Variants in PLPPR4 observed in about 807,000 individuals in gnomAD.
PLPPR4 encodes phospholipid phosphatase-related protein type 4.
Under a neutral mutation model 56.6 loss-of-function variants are expected in PLPPR4, and 24 were observed. The observed-to-expected ratio is 0.42, with a 90% CI of 0.31 to 0.60. The LOEUF is 0.60. Ranked by LOEUF, PLPPR4 falls within the 20% of genes least tolerant of loss-of-function variation. PLPPR4 has a pLI of 0.13. For missense variants in PLPPR4, 654 were observed against 885.8 expected (o/e 0.74, Z 3.32); for synonymous variants, 326 against 328.1 (o/e 0.99, Z 0.07).
chr1:99,264,139 C>T (rs1658829299), upstream of PLPPR4: 1 of 411,990 alleles, frequency 2.4e-6, no homozygotes, highest in African/African-American at 2.1e-5. Flanking sequence ...ACCTAGGAGG[C>T]TCCCCAGGAG....
intron 2 of PLPPR4, among the ~76,000 whole-genome samples, chr1:99,293,607 T>C (rs183086425): frequency 5.3e-5 from 8 of 152,290 alleles, no homozygotes; most frequent in Admixed American, 3.3e-4. Context: ...ATATATCTAA[T>C]TTTATAGAAG....
rs544612602 is a variant in PLPPR4, at chr1:99,281,066, T to C, written c.79-6899T>C. 1.5e-4 allele frequency among the ~76,000 whole-genome samples: 23 copies of C among 152,294 alleles called. No individual in the cohort carries two copies. The South Asian group carries it at 4.8e-3, about 32-fold the overall frequency. On this transcript the variant is annotated intron_variant, in intron 1 of 6. Coordinates refer to ENST00000370185, the MANE Select transcript of PLPPR4 (RefSeq NM_014839.5). ...TTTTTAAAGGCCCTAATGCTTTATA[T>C]AAGGCAGTGACAGTGTGAAAGAAAT...
intron 1 of PLPPR4, among the ~76,000 whole-genome samples, chr1:99,266,769 G>A (rs1420427353): frequency 6.6e-6 from 1 of 152,156 alleles, no homozygotes; most frequent in African/African-American, 2.4e-5. Flanking sequence ...AAAATTAAAT[G>A]CATGATGAAC....
rs764224056 is a variant in PLPPR4 at position 99,299,043 on chromosome 1, G to A, written c.403G>A (p.Val135Ile). Residue 135 changes from valine (V) to isoleucine (I), a missense_variant, in exon 4 of 7, where the codon GTA (valine) becomes ATA (isoleucine). Transcript: ENST00000370185. ...RRAVRFVGVH[V>I]FGLCSTALIT... ...TTTCATTTTGCCTATAGGTGTTCATGTATTTGGATTATGCTCTACAGCTCT... is the reference window on the plus strand; with the variant it reads ...TTTCATTTTGCCTATAGGTGTTCATATATTTGGATTATGCTCTACAGCTCT... 23 of 1,612,694 alleles carry A rather than the reference G, an allele frequency of 1.4e-5. No homozygotes were observed. In the South Asian group the frequency reaches 2.5e-4, roughly 18 times the overall value.
intron 2 of PLPPR4, among the ~76,000 whole-genome samples, 169 bp downstream of exon 2, chr1:99,288,319 T>C (rs1375304491): frequency 6.6e-6 from 1 of 152,226 alleles, no homozygotes; most frequent in Non-Finnish European, 1.5e-5. Flanking sequence ...TAGCTTAACA[T>C]TATTGGCATT....
chr1:99,305,866 C>G lies in PLPPR4; in HGVS notation c.1004C>G (p.Ala335Gly). The G allele has an allele frequency of 3.1e-6, 5 of 1,613,990 alleles. No individual in the cohort carries two copies. Among genetic ancestry groups the G allele is most frequent in the Non-Finnish European group, 4.2e-6 (5 of 1,179,898 alleles). ...EGILNRNHRD[A>G]SSLTNLKRAN... is the part of the protein sequence containing the mutation. The stretch of plus-strand genomic sequence containing the variant: ...ATCCTCAACCGAAACCACAGAGATG[C>G]TAGCTCTCTGACAAATCTCAAAAGA... Residue 335 changes from alanine (A) to glycine (G), a missense_variant, in exon 7 of 7, where the codon GCT (alanine) becomes GGT (glycine). By Grantham distance (60) the Ala-to-Gly change is moderately conservative (BLOSUM62 0). Coordinates refer to ENST00000370185, the MANE Select transcript of PLPPR4 (RefSeq NM_014839.5).
intron 1 of PLPPR4, among the ~76,000 whole-genome samples, chr1:99,277,243 C>G (rs1332449634): frequency 6.6e-6 from 1 of 152,122 alleles, no homozygotes; most frequent in Non-Finnish European, 1.5e-5. Context: ...TGTTACAGTT[C>G]TTTGAGGAAA....
rs775422576 is a variant in PLPPR4, at chr1:99,306,929, C to G, written c.2067C>G (p.Ile689Met). The change falls in exon 7 of 7, where the codon ATC (isoleucine) becomes ATG (methionine). Residue 689 changes from isoleucine (I) to methionine (M), a missense_variant. Coordinates refer to ENST00000370185, the MANE Select transcript of PLPPR4 (RefSeq NM_014839.5). The surrounding 1 kb of genome is among the most constrained non-coding windows in gnomAD (Gnocchi z 4.0). ...TLRRKGNIIL[I>M]PERSNSPENT... is the part of the protein sequence containing the mutation. Reference sequence around the variant, plus strand: ...GGAGAAAGGGCAATATCATTCTAATCCCTGAAAGAAGCAACAGCCCCGAAA... The same window carrying G: ...GGAGAAAGGGCAATATCATTCTAATGCCTGAAAGAAGCAACAGCCCCGAAA... The G allele has an allele frequency of 6.2e-7, 1 of 1,614,014 alleles. No homozygotes were observed. The highest frequency in any genetic ancestry group is 8.5e-7 in the Non-Finnish European group (1 of 1,179,994).
intron 2 of PLPPR4, among the ~76,000 whole-genome samples, chr1:99,295,709 C>T (rs1030025659): frequency 1.3e-5 from 2 of 152,118 alleles, no homozygotes; most frequent in Admixed American, 1.3e-4. Flanking sequence ...TAATTGACAA[C>T]CCAACGGCCT....
At chr1:99,271,348 A>C (rs1365513479) in intron 1 of PLPPR4, among the ~76,000 whole-genome samples, 1 of 152,214 alleles carries the variant, frequency 6.6e-6, no homozygotes, top group Non-Finnish European at 1.5e-5. Flanking sequence ...TGAGGGAGTC[A>C]GGATTTCAGA....
At chr1:99,288,789 A>G (rs1431710680) in intron 2 of PLPPR4, among the ~76,000 whole-genome samples, 1 of 152,184 alleles carries the variant, frequency 6.6e-6, no homozygotes, top group Non-Finnish European at 1.5e-5. Context: ...GCATAAAGAA[A>G]AGATAAATAT....
chr1:99,288,231 G>A, intron 2 of PLPPR4, 81 bp downstream of exon 2: 2 of 1,267,226 alleles, frequency 1.6e-6, no homozygotes, highest in South Asian at 1.4e-5. Flanking sequence ...TGGGTTCAAA[G>A]CAAACAAAAC....
chr1:99,300,936 C>G lies in PLPPR4; in HGVS notation c.618C>G (p.Thr206=), dbSNP rs200892085. The G allele has an allele frequency of 6.2e-7, 1 of 1,612,268 alleles. No individual in the cohort carries two copies. Among genetic ancestry groups the G allele is most frequent in the African/African-American group, 1.3e-5 (1 of 74,948 alleles). Reference sequence around the variant, plus strand: ...AGTCCTTCCCTTCTCAACATGCAACCCTTGCTGCCTTTGCAGCTGTGTATG... The same window carrying G: ...AGTCCTTCCCTTCTCAACATGCAACGCTTGCTGCCTTTGCAGCTGTGTATG... The part of the protein sequence containing the change: ...GRKSFPSQHA[T]LAAFAAVYVS... The change falls in exon 5 of 7, where the codon ACC becomes ACG. Residue 206 remains threonine, a synonymous_variant. Transcript: ENST00000370185.
intron 1 of PLPPR4, among the ~76,000 whole-genome samples, chr1:99,282,035 C>T (rs12073616): frequency 0.065 from 9,881 of 152,136 alleles, 552 homozygotes; most frequent in East Asian, 0.17. Flanking sequence ...TCATCTTGTA[C>T]CAATAATTTT....
rs1660101033 is a variant in PLPPR4 at position 99,308,422 on chromosome 1, A to G, written c.*1412A>G. 6.6e-6 allele frequency: 1 copy of G among 152,416 alleles called. No homozygotes were observed. The highest frequency in any genetic ancestry group is 1.5e-5 in the Non-Finnish European group (1 of 68,044). 9.4% of individuals were successfully genotyped at this position (152,416 alleles called of 1,614,324 possible). ...ATCAAAGCAAACCAATACCATTGATAAGAAGAAGATAAAAACAAAATATTT... is the reference window on the plus strand; with the variant it reads ...ATCAAAGCAAACCAATACCATTGATGAGAAGAAGATAAAAACAAAATATTT... On this transcript the variant is annotated 3_prime_UTR_variant, in exon 7 of 7. Coordinates refer to ENST00000370185, the MANE Select transcript of PLPPR4 (RefSeq NM_014839.5).
chr1:99,270,066 C>T (rs1401139832), intron 1 of PLPPR4, among the ~76,000 whole-genome samples: 1 of 140,388 alleles, frequency 7.1e-6, no homozygotes, highest in Non-Finnish European at 1.5e-5. Context: ...GCTCTGTCAC[C>T]CAGGCTGGAT....
chr1:99,280,943 A>G (rs912426498), intron 1 of PLPPR4, among the ~76,000 whole-genome samples: 1 of 152,186 alleles, frequency 6.6e-6, no homozygotes, highest in Non-Finnish European at 1.5e-5. Context: ...TTTGTTATTA[A>G]TGGGGCACCA....
chr1:99,298,083 G>A (rs1037512165), intron 3 of PLPPR4, among the ~76,000 whole-genome samples: 1 of 152,142 alleles, frequency 6.6e-6, no homozygotes, highest in Non-Finnish European at 1.5e-5. Context: ...ATGGTGGTTA[G>A]GTGACAGTAA....
chr1:99,286,312 C>T (rs2100796922), intron 1 of PLPPR4, among the ~76,000 whole-genome samples: 2 of 152,288 alleles, frequency 1.3e-5, no homozygotes, highest in Middle Eastern at 3.4e-3. Flanking sequence ...AAGGTTTACA[C>T]ATTTATTCAA....
Sources: allele counts gnomAD v4.1 joint callset (sites outside exome capture counted in the v4.1 genomes callset), GRCh38; gene constraint gnomAD v4.1.1; non-coding constraint Gnocchi (gnomAD v3.1); transcripts MANE v1.5; gene names NCBI Gene and HGNC (gene_info 2026-07-23, HGNC 2026-07-21).